SNX13: variants seen among roughly 807,000 people sequenced by gnomAD.
SNX13 encodes sorting nexin-13.
Under a neutral mutation model 133.6 loss-of-function variants are expected in SNX13, and 45 were observed. The ratio of observed to expected loss-of-function variants is 0.34; its 90% confidence interval spans 0.27 to 0.43. The LOEUF is 0.43. SNX13 is among the 20% of genes least tolerant of loss of function. The pLI is 1.00. For synonymous variants in SNX13, 414 were observed against 373.9 expected, an observed-to-expected ratio of 1.11 and a Z score of -1.24; for missense variants, 1,032 against 1,145.1, an observed-to-expected ratio of 0.90 and a Z score of 1.43.
At chr7:17,847,632 G>A (rs923680062) in intron 11 of SNX13, among the ~76,000 whole-genome samples, 1 of 152,198 alleles carries the variant, frequency 6.6e-6, no homozygotes, top group Admixed American at 6.5e-5. Flanking sequence ...TTTAAGAAAT[G>A]CTTTTTCCTG....
rs564285028 is a variant in SNX13 at position 17,920,612 on chromosome 7, AC to A, written c.12+19671del. Among the ~76,000 whole-genome samples, 9 of 152,342 alleles carry A rather than the reference AC, an allele frequency of 5.9e-5. No homozygotes were observed. In the South Asian group the frequency reaches 1.9e-3, roughly 32 times the overall value. On this transcript the variant is annotated intron_variant, in intron 1 of 25. Transcript: ENST00000428135. Reference sequence around the variant, plus strand: ...AAATTAATAAAATGAGTTGCAGTTAACCCATTTATTCTTACAAAAACTTTGA... The same window carrying A: ...AAATTAATAAAATGAGTTGCAGTTAACCATTTATTCTTACAAAAACTTTGA...
chr7:17,900,815 G>C (rs1188157748), intron 1 of SNX13, among the ~76,000 whole-genome samples: 1 of 152,112 alleles, frequency 6.6e-6, no homozygotes, highest in Non-Finnish European at 1.5e-5. Flanking sequence ...CTGTAACCAA[G>C]CTGGTAGCTA....
chr7:17,878,623 C>T (rs1305344016), intron 5 of SNX13, among the ~76,000 whole-genome samples: 1 of 152,180 alleles, frequency 6.6e-6, no homozygotes. Context: ...CACATCCACT[C>T]GTTTCCCTTG....
chr7:17,873,864 A>T (rs1342509568), intron 7 of SNX13, among the ~76,000 whole-genome samples: 1 of 152,170 alleles, frequency 6.6e-6, no homozygotes, highest in Non-Finnish European at 1.5e-5. Context: ...ATCATAAAAA[A>T]ATTTCGTTAC....
At chr7:17,822,306 G>A (rs552791781) in intron 17 of SNX13, among the ~76,000 whole-genome samples, 2 of 152,054 alleles carry the variant, frequency 1.3e-5, no homozygotes, top group African/African-American at 4.8e-5. Context: ...CTTAACTAAG[G>A]AGATGCACTT....
intron 5 of SNX13, among the ~76,000 whole-genome samples, chr7:17,885,758 G>A (rs1795917714): frequency 6.6e-6 from 1 of 152,158 alleles, no homozygotes; most frequent in South Asian, 2.1e-4. Context: ...AACCTGTGAG[G>A]CGGAAACTGC....
At chr7:17,894,837 A>C (rs1249722211) in intron 2 of SNX13, among the ~76,000 whole-genome samples, 2 of 152,206 alleles carry the variant, frequency 1.3e-5, no homozygotes, top group African/African-American at 4.8e-5. Context: ...AAAGTCCTCC[A>C]ATTTTTGTGT....
chr7:17,935,781 C>T (rs1044381893), intron 1 of SNX13, among the ~76,000 whole-genome samples: 1 of 152,178 alleles, frequency 6.6e-6, no homozygotes, highest in East Asian at 1.9e-4. Flanking sequence ...TACCTCTTGA[C>T]ACCTCTGAAT....
intron 25 of SNX13, chr7:17,795,508 C>T (rs1783949843): frequency 6.6e-6 from 1 of 151,652 alleles, no homozygotes; most frequent in Admixed American, 6.6e-5. Context: ...CTGCCCTGGC[C>T]ACCCCATCTA....
chr7:17,925,299 G>T (rs1340654075), intron 1 of SNX13, among the ~76,000 whole-genome samples: 1 of 152,154 alleles, frequency 6.6e-6, no homozygotes, highest in African/African-American at 2.4e-5. Flanking sequence ...AGGAGGAGGG[G>T]TCTTCAGTTT....
intron 9 of SNX13, among the ~76,000 whole-genome samples, chr7:17,864,040 A>C (rs997873847): frequency 1.3e-5 from 2 of 152,218 alleles, no homozygotes; most frequent in African/African-American, 4.8e-5. Flanking sequence ...TTTTGACTTC[A>C]TGAAAAGCCT....
chr7:17,801,889 T>G (rs540584758), intron 21 of SNX13, among the ~76,000 whole-genome samples: 82 of 152,160 alleles, frequency 5.4e-4, no homozygotes, highest in African/African-American at 1.9e-3. Context: ...GAAATAAAAA[T>G]TAGTCAGTCA....
chr7:17,831,046 C>T (rs1295236797), intron 15 of SNX13: 3 of 983,970 alleles, frequency 3.0e-6, no homozygotes, highest in African/African-American at 3.5e-5. Flanking sequence ...AGTTATCTAT[C>T]CTCCTTATTC....
intron 12 of SNX13, among the ~76,000 whole-genome samples, chr7:17,845,145 C>CGT (rs1392062966): frequency 8.5e-6 from 1 of 117,804 alleles, no homozygotes; most frequent in East Asian, 2.6e-4. Flanking sequence ...CAAGTGTGTG[C>CGT]GTGTGTGTAC....
chr7:17,812,109 C>T (rs1354047566), intron 20 of SNX13, among the ~76,000 whole-genome samples: 1 of 152,114 alleles, frequency 6.6e-6, no homozygotes. Flanking sequence ...ATGACTAAAA[C>T]ACCAAAAGCA....
chr7:17,853,410 T>C (rs1008714150), intron 9 of SNX13, among the ~76,000 whole-genome samples: 4 of 152,090 alleles, frequency 2.6e-5, no homozygotes, highest in Admixed American at 2.6e-4. Context: ...AAAAGCCAAA[T>C]AACTGAATAC....
chr7:17,833,699 T>C (rs1583409399), intron 15 of SNX13, among the ~76,000 whole-genome samples: 1 of 151,700 alleles, frequency 6.6e-6, no homozygotes, highest in South Asian at 2.1e-4. Flanking sequence ...CTCTGAGTCA[T>C]TACTTATTGC....
chr7:17,842,193 T>C (rs1789983573), intron 12 of SNX13, among the ~76,000 whole-genome samples: 1 of 151,952 alleles, frequency 6.6e-6, no homozygotes, highest in South Asian at 2.1e-4. Context: ...TAATTCAACT[T>C]TCAAAAAATA....
At chr7:17,819,761 A>G (rs1787073449) in intron 18 of SNX13, among the ~76,000 whole-genome samples, 1 of 152,186 alleles carries the variant, frequency 6.6e-6, no homozygotes, top group Non-Finnish European at 1.5e-5. Flanking sequence ...TTATTTACAG[A>G]TACTTAATAT....
Sources: allele counts gnomAD v4.1 joint callset (sites outside exome capture counted in the v4.1 genomes callset), GRCh38; gene constraint gnomAD v4.1.1; transcripts MANE v1.5; gene names NCBI Gene and HGNC (gene_info 2026-07-23, HGNC 2026-07-21).